GREB1: variants seen among roughly 807,000 people sequenced by gnomAD.
GREB1 encodes the protein protein GREB1.
Under a neutral mutation model 200.7 loss-of-function variants are expected in GREB1, and 106 were observed. The observed-to-expected ratio is 0.53, with a 90% CI of 0.45 to 0.62. The LOEUF (loss-of-function observed/expected upper bound fraction) is 0.62. Ranked by LOEUF, GREB1 falls within the 20% of genes least tolerant of loss-of-function variation. The pLI, the probability that GREB1 is intolerant of heterozygous loss-of-function variation, is 0.00. For synonymous variants in GREB1, 1,132 were observed against 1,092.4 expected (o/e 1.04, Z -0.72); for missense variants, 2,243 against 2,556.8 (o/e 0.88, Z 2.65).
intron 26 of GREB1, among the ~76,000 whole-genome samples, chr2:11,631,053 G>T (rs1034281934): frequency 6.6e-6 from 1 of 152,180 alleles, no homozygotes; most frequent in African/African-American, 2.4e-5. Flanking sequence ...CTGGGGTTGG[G>T]TGTTGCGGTG....
At chr2:11,594,135 G>A (rs976524726) in intron 11 of GREB1, among the ~76,000 whole-genome samples, 15 of 152,044 alleles carry the variant, frequency 9.9e-5, no homozygotes, top group African/African-American at 3.6e-4. Context: ...TCCATCCGGA[G>A]TAGCTGGAAC....
chr2:11,550,822 CCTT>C (rs1333038373), intron 1 of GREB1, among the ~76,000 whole-genome samples: 1 of 152,206 alleles, frequency 6.6e-6, no homozygotes. Context: ...CCTTCACTGT[CCTT>C]CTAGTGAGGT....
intron 1 of GREB1, among the ~76,000 whole-genome samples, chr2:11,552,737 C>T (rs117548608): frequency 0.054 from 8,253 of 152,188 alleles, 555 homozygotes; most frequent in African/African-American, 0.16. Flanking sequence ...GTTGGCCGGG[C>T]GCGGTGGCTC....
In GREB1 at chr2:11,634,326, G is replaced by C; in HGVS notation, c.5187G>C (p.Gln1729His). 6.2e-7 allele frequency: 1 copy of C among 1,613,998 alleles called. No homozygotes were observed. The highest frequency in any genetic ancestry group is 1.3e-5 in the African/African-American group (1 of 75,064). Residue 1729 changes from glutamine to histidine, a missense_variant, in exon 29 of 33, where the codon CAG becomes CAC. By Grantham distance (24) the Gln-to-His change is conservative (BLOSUM62 0). Transcript: ENST00000381486. Reference protein sequence around the residue: ...NFIILNVDLTQNVQYNQNRFL... With the variant: ...NFIILNVDLTHNVQYNQNRFL... ...TCATCCTGAACGTGGACCTGACCCA[G>C]AACGTGCAGTACAACCAGAACCGGT...
upstream of GREB1, among the ~76,000 whole-genome samples, chr2:11,533,399 C>T (rs1393621732): frequency 3.3e-5 from 5 of 152,180 alleles, no homozygotes; most frequent in Non-Finnish European, 7.3e-5. Context: ...GAAGTCAGCA[C>T]TGTTATCTCT....
chr2:11,603,546 A>T (rs1305799895), intron 17 of GREB1, among the ~76,000 whole-genome samples: 3 of 152,268 alleles, frequency 2.0e-5, no homozygotes, highest in Non-Finnish European at 4.4e-5. Flanking sequence ...GTAATTCTCC[A>T]GAAGGCTAGA....
chr2:11,516,502 G>A (rs1340216316), intron 1 of GREB1, among the ~76,000 whole-genome samples: 3 of 152,148 alleles, frequency 2.0e-5, no homozygotes, highest in Non-Finnish European at 4.4e-5. Flanking sequence ...TCACCCAGGG[G>A]CTTCAAACCC....
At chr2:11,490,268 T>A (rs1161837894) in intron 1 of GREB1, among the ~76,000 whole-genome samples, 1 of 152,122 alleles carries the variant, frequency 6.6e-6, no homozygotes, top group East Asian at 1.9e-4. Flanking sequence ...CTATGGCAGA[T>A]TTGCCTATTG....
chr2:11,569,746 G>A (rs1277211723), intron 4 of GREB1, among the ~76,000 whole-genome samples: 2 of 152,188 alleles, frequency 1.3e-5, no homozygotes, highest in Non-Finnish European at 2.9e-5. Context: ...GAACCCCGAG[G>A]GTCTGGCCCT....
At chr2:11,581,348 G>A (rs908619402) in intron 7 of GREB1, 5 of 294,702 alleles carry the variant, frequency 1.7e-5, no homozygotes, top group African/African-American at 4.3e-5. Flanking sequence ...CTCACTAATC[G>A]GTACCGGCTG....
At chr2:11,611,132 G>T (rs1245751730) in intron 18 of GREB1, 105 bp downstream of exon 18, 5 of 1,003,232 alleles carry the variant, frequency 5.0e-6, no homozygotes, top group Non-Finnish European at 5.8e-6. Flanking sequence ...CGTGGCCAAC[G>T]TGGCTTCCCT....
At chr2:11,595,429 A>G (rs751082275) in intron 12 of GREB1, 50 bp downstream of exon 12, 2 of 1,583,414 alleles carry the variant, frequency 1.3e-6, no homozygotes, top group South Asian at 1.1e-5. Flanking sequence ...TAGGACAGTA[A>G]TCAGTGCCGG....
chr2:11,625,404 G>A, intron 24 of GREB1, 92 bp downstream of exon 24: 1 of 1,292,310 alleles, frequency 7.7e-7, no homozygotes, highest in Non-Finnish European at 1.1e-6. Context: ...ATGAAATCAG[G>A]TGGTGATGAA....
At position 11,588,802 on chromosome 2, in the gene GREB1, C is replaced by T. The variant is rs750936323; in HGVS notation, c.1216C>T (p.Leu406Phe). ...GNLNDVVVSPLLYTCYQNSQS... is the reference protein window; with the variant it reads ...GNLNDVVVSPFLYTCYQNSQS... ...CCTGAATGACGTCGTGGTCAGCCCC[C>T]TCTTGTACACGTGCTACCAGAATTC... The change falls in exon 10 of 33, where the codon CTC (leucine) becomes TTC (phenylalanine). Residue 406 changes from leucine (L) to phenylalanine (F), a missense_variant. This residue lies in a region of GREB1 where 1,178 missense variants were observed against 1,387.4 expected (regional missense o/e 0.85). Transcript: ENST00000381486. 1.9e-6 allele frequency: 3 copies of T among 1,614,216 alleles called. No homozygotes were observed. The highest frequency in any genetic ancestry group is 1.7e-6 in the Non-Finnish European group (2 of 1,180,012).
chr2:11,499,046 C>G (rs975457005), intron 1 of GREB1, among the ~76,000 whole-genome samples: 2 of 152,096 alleles, frequency 1.3e-5, no homozygotes, highest in African/African-American at 4.8e-5. Context: ...ACATAAAAAG[C>G]ACAGATAAGC....
intron 1 of GREB1, among the ~76,000 whole-genome samples, chr2:11,486,488 A>C (rs1459416982): frequency 1.3e-5 from 2 of 151,988 alleles, no homozygotes; most frequent in Non-Finnish European, 2.9e-5. Context: ...CTAAAAAGGC[A>C]GGGGAAGGCT....
chr2:11,485,326 A>G (rs1013190022), intron 1 of GREB1, among the ~76,000 whole-genome samples: 49 of 150,418 alleles, frequency 3.3e-4, no homozygotes, highest in Non-Finnish European at 1.5e-5. Context: ...AGGTTGGAGT[A>G]CAGTGGCACA....
intron 1 of GREB1, among the ~76,000 whole-genome samples, chr2:11,491,004 C>A (rs1366558121): frequency 6.6e-6 from 1 of 152,112 alleles, no homozygotes; most frequent in Non-Finnish European, 1.5e-5. Flanking sequence ...ATAGGGGTTC[C>A]TTGTATGGGG....
intron 4 of GREB1, among the ~76,000 whole-genome samples, chr2:11,568,976 A>G (rs1470961172): frequency 6.6e-6 from 1 of 152,258 alleles, no homozygotes; most frequent in Non-Finnish European, 1.5e-5. Context: ...CCAGCCCTGC[A>G]GCGGCAGGGC....
Sources: gnomAD v4.1 joint callset for allele counts (sites outside exome capture counted in the v4.1 genomes callset) on GRCh38, gnomAD v4.1.1 for gene constraint, gnomAD v4.1.1 regional missense constraint, MANE v1.5 for transcripts, NCBI Gene and HGNC (gene_info 2026-07-23, HGNC 2026-07-21) for gene names.